The following RELN variants were observed in gnomAD, a reference collection of about 807,000 sequenced individuals.
RELN encodes the protein reelin.
RELN carries 108 observed loss-of-function variants against 427.6 expected under a neutral mutation model. That is an observed-to-expected ratio of 0.25 (90% confidence interval 0.22 to 0.30). The LOEUF is 0.30. RELN is among the 10% of genes least tolerant of loss of function. The pLI is 1.00. For synonymous variants in RELN, 1,524 were observed against 1,513.4 expected, an observed-to-expected ratio of 1.01 and a Z score of -0.16; for missense variants, 3,715 against 4,302.8, an observed-to-expected ratio of 0.86 and a Z score of 3.82.
At chr7:103,749,156 A>G (rs1790930430) in intron 6 of RELN, among the ~76,000 whole-genome samples, 1 of 152,136 alleles carries the variant, frequency 6.6e-6, no homozygotes, top group Admixed American at 6.5e-5. Flanking sequence ...TAATAGCATA[A>G]TATTTTCTAT....
intron 44 of RELN, 90 bp downstream of exon 44, chr7:103,540,107 A>T: frequency 6.9e-7 from 1 of 1,455,236 alleles, no homozygotes; most frequent in Non-Finnish European, 9.6e-7. Flanking sequence ...GGTTTCATCT[A>T]CTGAGCAAGC....
chr7:103,538,931 T>A (rs375446767), intron 45 of RELN, 147 bp downstream of exon 45: 4 of 850,812 alleles, frequency 4.7e-6, no homozygotes, highest in African/African-American at 1.7e-5. Context: ...CATGCAGTAT[T>A]TTCAAGAGTA....
chr7:103,890,242 C>T (rs193120800), intron 2 of RELN, among the ~76,000 whole-genome samples: 251 of 151,424 alleles, frequency 1.7e-3, no homozygotes, highest in Non-Finnish European at 2.3e-3. Flanking sequence ...TTAAGCAAGA[C>T]GGTCAATTCT....
At chr7:103,919,702 T>C (rs1795570519) in intron 1 of RELN, among the ~76,000 whole-genome samples, 1 of 152,174 alleles carries the variant, frequency 6.6e-6, no homozygotes, top group African/African-American at 2.4e-5. Flanking sequence ...CTAATTTCAC[T>C]TGACTCACTT....
chr7:103,740,610 C>T (rs184942533), intron 6 of RELN, among the ~76,000 whole-genome samples: 2 of 152,068 alleles, frequency 1.3e-5, no homozygotes, highest in East Asian at 1.9e-4. Flanking sequence ...ATTTTATGTT[C>T]CTCATTTTTT....
At chr7:103,962,282 T>C (rs969072790) in intron 1 of RELN, among the ~76,000 whole-genome samples, 1 of 152,032 alleles carries the variant, frequency 6.6e-6, no homozygotes, top group African/African-American at 2.4e-5. Context: ...CAGCATTCCT[T>C]GAACTCTCTC....
In RELN at chr7:103,539,094, G is replaced by A. The variant is rs1290059579; in HGVS notation, c.7164C>T (p.Val2388=). 1.2e-6 allele frequency: 2 copies of A among 1,614,130 alleles called. No individual in the cohort carries two copies. Among genetic ancestry groups the A allele is most frequent in the Non-Finnish European group, 1.7e-6 (2 of 1,180,016 alleles). ...CATACTCACCATAACAAGAGTCTGTGACTGAGCAGGAGGCAGCGAAGTCTA... is the reference window on the plus strand; with the variant it reads ...CATACTCACCATAACAAGAGTCTGTAACTGAGCAGGAGGCAGCGAAGTCTA... ...LQIDFAASCS[V]TDSCYAIELE... is the part of the protein sequence containing the mutation. The change falls in exon 45 of 65, where the codon GTC becomes GTT. Residue 2388 remains valine (V), a synonymous_variant. Coordinates refer to ENST00000428762, the MANE Select transcript of RELN (RefSeq NM_005045.4).
chr7:103,482,204 C>T (rs1174017504), intron 63 of RELN: 1 of 152,352 alleles, frequency 6.6e-6, no homozygotes, highest in African/African-American at 2.4e-5. Flanking sequence ...ATTCACCTCT[C>T]CTTGCCAACC....
intron 11 of RELN, among the ~76,000 whole-genome samples, chr7:103,677,375 C>T (rs887866847): frequency 3.4e-5 from 5 of 148,466 alleles, no homozygotes; most frequent in Admixed American, 1.4e-4. Context: ...CAAACCTGCA[C>T]GTTCTGCACA....
chr7:103,491,854 TCTCACACACACACACACA>T (rs1233599375), intron 58 of RELN, 81 bp downstream of exon 58: 565 of 377,074 alleles, frequency 1.5e-3, no homozygotes, highest in Non-Finnish European at 1.8e-3. Context: ...TCTCTCTCTC[TCTCACACACACACACACA>T]CACACACACA....
intron 10 of RELN, among the ~76,000 whole-genome samples, chr7:103,691,389 T>C (rs1262123806): frequency 1.3e-5 from 2 of 152,158 alleles, no homozygotes; most frequent in Admixed American, 1.3e-4. Flanking sequence ...GTACTGTGAA[T>C]GACAATGGTT....
chr7:103,789,178 CA>C (rs1414613184), intron 3 of RELN, among the ~76,000 whole-genome samples: 1 of 152,186 alleles, frequency 6.6e-6, no homozygotes, highest in Non-Finnish European at 1.5e-5. Flanking sequence ...ACATCTTACA[CA>C]AAAATTAACT....
At chr7:103,666,219 C>A (rs1046552031) in intron 11 of RELN, among the ~76,000 whole-genome samples, 6 of 151,918 alleles carry the variant, frequency 3.9e-5, no homozygotes, top group African/African-American at 1.5e-4. Flanking sequence ...CAAGGAGGCA[C>A]CACCATGCCC....
chr7:103,549,723 C>T (rs1179110584), intron 41 of RELN, among the ~76,000 whole-genome samples: 1 of 152,216 alleles, frequency 6.6e-6, no homozygotes, highest in Non-Finnish European at 1.5e-5. Flanking sequence ...CTAAGTCCCC[C>T]ACACTTTCTG....
At chr7:103,843,204 G>A (rs1440122180) in intron 2 of RELN, among the ~76,000 whole-genome samples, 1 of 151,898 alleles carries the variant, frequency 6.6e-6, no homozygotes, top group Non-Finnish European at 1.5e-5. Flanking sequence ...CCAAGACTCA[G>A]GAAATTTTTT....
intron 16 of RELN, among the ~76,000 whole-genome samples, chr7:103,649,901 G>C (rs1409359802): frequency 6.6e-6 from 1 of 151,916 alleles, no homozygotes; most frequent in Admixed American, 6.6e-5. Context: ...GTTACTAAGA[G>C]AAGAATGGGT....
At chr7:103,892,433 GAA>G (rs1209363993) in intron 2 of RELN, among the ~76,000 whole-genome samples, 3 of 152,190 alleles carry the variant, frequency 2.0e-5, no homozygotes, top group Non-Finnish European at 4.4e-5. Flanking sequence ...AAACATTTAT[GAA>G]GAGCATGTGT....
At chr7:103,728,321 G>C in intron 6 of RELN, 114 bp from the exon 7 acceptor site, 9 of 983,958 alleles carry the variant, frequency 9.1e-6, no homozygotes, top group Non-Finnish European at 1.4e-5. Context: ...TCACCATTTT[G>C]AGGAAAGTAG....
At chr7:103,851,549 G>A (rs928834077) in intron 2 of RELN, among the ~76,000 whole-genome samples, 3 of 152,156 alleles carry the variant, frequency 2.0e-5, no homozygotes, top group Non-Finnish European at 4.4e-5. Flanking sequence ...CAATGTAAAT[G>A]GAAGGAGCTC....
Sources: allele counts gnomAD v4.1 joint callset (sites outside exome capture counted in the v4.1 genomes callset), GRCh38; gene constraint gnomAD v4.1.1; transcripts MANE v1.5; gene names NCBI Gene and HGNC (gene_info 2026-07-23, HGNC 2026-07-21).